The following MYLK variants were observed in gnomAD, a reference collection of about 807,000 sequenced individuals.
MYLK encodes myosin light chain kinase.
MYLK carries 106 observed loss-of-function variants against 203.4 expected under a neutral mutation model. The observed-to-expected ratio is 0.52, with a 90% CI of 0.45 to 0.61. The LOEUF (loss-of-function observed/expected upper bound fraction) is 0.61. MYLK is among the 20% of genes least tolerant of loss of function. MYLK has a pLI of 0.00. For synonymous variants in MYLK, 867 were observed against 959.5 expected (o/e 0.90, Z 1.78); for missense variants, 2,072 against 2,442.3 (o/e 0.85, Z 3.20).
Position 123,735,425 on chromosome 3 carries a change from A to G in MYLK, c.755-9T>C, listed in dbSNP as rs1348546187. On this transcript the variant is annotated splice_polypyrimidine_tract_variant and intron_variant, in intron 8 of 33. Coordinates refer to ENST00000360304, the MANE Select transcript of MYLK (RefSeq NM_053025.4). ...ATTGGCACTGTCCAAACCTGGAAAA[A>G]GGGGGAAGGGTGGAAAGACTGTTAG... 10 of 1,613,628 alleles carry G rather than the reference A, an allele frequency of 6.2e-6. No individual in the cohort carries two copies. Among genetic ancestry groups the G allele is most frequent in the African/African-American group, 1.3e-5 (1 of 74,922 alleles).
intron 5 of MYLK, among the ~76,000 whole-genome samples, chr3:123,752,105 G>T (rs1382145305): frequency 1.3e-5 from 2 of 152,054 alleles, no homozygotes; most frequent in African/African-American, 4.8e-5. Flanking sequence ...GGCTCAAGCA[G>T]GAGACAGGTG....
chr3:123,846,134 A>G (rs1488066177), intron 2 of MYLK, among the ~76,000 whole-genome samples: 2 of 152,146 alleles, frequency 1.3e-5, no homozygotes, highest in Non-Finnish European at 1.5e-5. Flanking sequence ...TAGCGACAAA[A>G]CGGATTCTTG....
At chr3:123,702,615 G>C (rs575201120) in intron 16 of MYLK, among the ~76,000 whole-genome samples, 1 of 152,156 alleles carries the variant, frequency 6.6e-6, no homozygotes, top group Admixed American at 6.5e-5. Flanking sequence ...CTTTACATGA[G>C]CCATCTCATT....
At chr3:123,869,263 G>T (rs1300621383) in intron 2 of MYLK, among the ~76,000 whole-genome samples, 1 of 152,146 alleles carries the variant, frequency 6.6e-6, no homozygotes, top group African/African-American at 2.4e-5. Context: ...GGCAGTTGGA[G>T]GTGACTCTCC....
At chr3:123,692,999 AC>A (rs1211320040) in intron 18 of MYLK, 148 bp from the exon 19 acceptor site, 20 of 723,768 alleles carry the variant, frequency 2.8e-5, no homozygotes, top group Middle Eastern at 3.7e-4. Flanking sequence ...CCCACTCCTC[AC>A]CAAAGCCAGG....
chr3:123,832,227 G>A (rs1453621405), intron 2 of MYLK, among the ~76,000 whole-genome samples: 1 of 152,192 alleles, frequency 6.6e-6, no homozygotes, highest in Non-Finnish European at 1.5e-5. Context: ...TGTTCCCCCA[G>A]CACCACACCA....
In MYLK at chr3:123,638,230, C is replaced by T. The variant is rs2058713681; in HGVS notation, c.4838-36G>A. 3 of 1,612,832 alleles carry T rather than the reference C, an allele frequency of 1.9e-6. No individual in the cohort carries two copies. In the African/African-American group the frequency reaches 4.0e-5, roughly 22 times the overall value. On this transcript the variant is annotated intron_variant, in intron 28 of 33. Transcript: ENST00000360304. ...GATGGAGAGGGATAAATTGCCAGCA[C>T]ATCACGGAGCCAGCTTGAGACCAGC...
chr3:123,671,006 G>A (rs1171032205), intron 20 of MYLK, among the ~76,000 whole-genome samples: 1 of 152,196 alleles, frequency 6.6e-6, no homozygotes. Context: ...CAGCTCTTGC[G>A]GGACAGATCC....
chr3:123,683,295 G>T (rs2060334807), intron 19 of MYLK, among the ~76,000 whole-genome samples: 1 of 151,850 alleles, frequency 6.6e-6, no homozygotes, highest in African/African-American at 2.4e-5. Context: ...GTGGGGGTGG[G>T]GGTGGGTGGG....
At chr3:123,651,936 C>A (rs1267690270) in intron 24 of MYLK, among the ~76,000 whole-genome samples, 1 of 152,194 alleles carries the variant, frequency 6.6e-6, no homozygotes, top group African/African-American at 2.4e-5. Flanking sequence ...CTTTATGCTG[C>A]AGGAAACTCG....
At chr3:123,804,323 C>T (rs1016098018) in intron 3 of MYLK, among the ~76,000 whole-genome samples, 1 of 152,098 alleles carries the variant, frequency 6.6e-6, no homozygotes, top group Non-Finnish European at 1.5e-5. Context: ...GCTATTGGTG[C>T]TGTAGGGTCA....
chr3:123,665,012 G>GGATGT (rs2059690023), intron 22 of MYLK, among the ~76,000 whole-genome samples: 1 of 152,168 alleles, frequency 6.6e-6, no homozygotes, highest in Admixed American at 6.5e-5. Context: ...TTTCTTACTG[G>GGATGT]GATGATGAAA....
intron 20 of MYLK, among the ~76,000 whole-genome samples, chr3:123,673,415 A>G (rs2059979598): frequency 6.6e-6 from 1 of 151,872 alleles, no homozygotes; most frequent in Non-Finnish European, 1.5e-5. Context: ...GCTCAGCCTC[A>G]GTGCATGTTC....
At chr3:123,704,747 CAAAAAAAAA>C (rs5852352) in intron 16 of MYLK, among the ~76,000 whole-genome samples, 4 of 87,728 alleles carry the variant, frequency 4.6e-5, no homozygotes, top group Non-Finnish European at 6.9e-5. Flanking sequence ...ACTAAAAATA[CAAAAAAAAA>C]AAAAAAAAAA....
rs771346331 is a variant in MYLK at position 123,733,755 on chromosome 3, G to A, written c.1241C>T (p.Pro414Leu). ...GCTTTGGGGCTTGCTCTCAAATTTGGGGAATGCTGAATCCCTCTGGCCCTC... is the reference window on the plus strand; with the variant it reads ...GCTTTGGGGCTTGCTCTCAAATTTGAGGAATGCTGAATCCCTCTGGCCCTC... ...PMEGQRDSAF[P>L]KFESKPQSQE... Residue 414 changes from proline (P) to leucine (L), a missense_variant, in exon 10 of 34, where the codon CCC (proline) becomes CTC (leucine). Coordinates refer to ENST00000360304, the MANE Select transcript of MYLK (RefSeq NM_053025.4). 5.6e-6 allele frequency: 9 copies of A among 1,614,168 alleles called. No homozygotes were observed. In the East Asian group the frequency reaches 1.3e-4, roughly 24 times the overall value.
Position 123,610,064 on chromosome 3 carries a change from A to G in MYLK, c.*4041T>C, listed in dbSNP as rs2057216286. ...ACAACAACACTTGAGTATCGAGACT[A>G]TATTATCCAATACAATTGATGAAAC... On this transcript the variant is annotated 3_prime_UTR_variant, in exon 34 of 34. Transcript: ENST00000360304. 2 of 152,214 alleles carry G rather than the reference A, an allele frequency of 1.3e-5. No individual in the cohort carries two copies. 9.4% of individuals were successfully genotyped at this position (152,214 alleles called of 1,614,324 possible).
chr3:123,645,390 G>A (rs1418047418), intron 27 of MYLK, among the ~76,000 whole-genome samples: 2 of 152,146 alleles, frequency 1.3e-5, no homozygotes, highest in African/African-American at 4.8e-5. Context: ...GAATGTTAAT[G>A]GCATGAGGGG....
At chr3:123,659,165 G>C (rs1176981938) in intron 23 of MYLK, among the ~76,000 whole-genome samples, 4 of 152,164 alleles carry the variant, frequency 2.6e-5, no homozygotes, top group African/African-American at 4.8e-5. Context: ...TCAAGACCCA[G>C]CTAAGGAAGT....
At chr3:123,817,151 G>A (rs1421799026) in intron 3 of MYLK, among the ~76,000 whole-genome samples, 2 of 152,184 alleles carry the variant, frequency 1.3e-5, no homozygotes, top group Non-Finnish European at 1.5e-5. Flanking sequence ...AGGGTTATGA[G>A]GATATTTTTA....
Sources: gnomAD v4.1 joint callset for allele counts (sites outside exome capture counted in the v4.1 genomes callset) on GRCh38, gnomAD v4.1.1 for gene constraint, MANE v1.5 for transcripts, NCBI Gene and HGNC (gene_info 2026-07-23, HGNC 2026-07-21) for gene names.